LRRC4C: variants seen among roughly 807,000 people sequenced by gnomAD.
LRRC4C encodes the protein leucine rich repeat containing 4C, also known as leucine-rich repeat-containing protein 4C.
LRRC4C carries 5 observed loss-of-function variants against 33.6 expected under a neutral mutation model. The ratio of observed to expected loss-of-function variants is 0.15; its 90% CI spans 0.08 to 0.31. The LOEUF is 0.31. Among genes scored for constraint, LRRC4C ranks in the 10% least tolerant of loss-of-function variants. LRRC4C has a pLI of 1.00. For synonymous variants in LRRC4C, 329 were observed against 302.0 expected (o/e 1.09, Z -0.93); for missense variants, 560 against 796.7 (o/e 0.70, Z 3.58).
chr11:41,300,068 G>C (rs1230546681), intron 1 of LRRC4C, among the ~76,000 whole-genome samples: 1 of 152,086 alleles, frequency 6.6e-6, no homozygotes, highest in Non-Finnish European at 1.5e-5. Flanking sequence ...CTGAAATCAT[G>C]GGACCATAAA....
intron 1 of LRRC4C, among the ~76,000 whole-genome samples, chr11:41,163,213 T>G (rs1034146268): frequency 4.0e-5 from 6 of 151,842 alleles, no homozygotes; most frequent in Non-Finnish European, 8.8e-5. Flanking sequence ...AAACCTCTTT[T>G]TCTTCCCAGT....
At chr11:41,295,155 T>C (rs1459421900) in intron 1 of LRRC4C, among the ~76,000 whole-genome samples, 5 of 152,132 alleles carry the variant, frequency 3.3e-5, no homozygotes, top group African/African-American at 2.4e-5. Flanking sequence ...TAGTGGAAAA[T>C]TGGAACCAAG....
intron 3 of LRRC4C, among the ~76,000 whole-genome samples, chr11:40,494,206 CT>C (rs561821609): frequency 1.3e-5 from 2 of 152,102 alleles, no homozygotes; most frequent in Non-Finnish European, 2.9e-5. Flanking sequence ...TTCTTAATTT[CT>C]CTAAGCATTG....
At chr11:40,295,234 A>C (rs1261873011) in intron 4 of LRRC4C, among the ~76,000 whole-genome samples, 1 of 152,172 alleles carries the variant, frequency 6.6e-6, no homozygotes, top group East Asian at 1.9e-4. Context: ...CCTTTCAGTT[A>C]ATCTATGGGC....
chr11:40,493,810 GA>G (rs1954285372), intron 3 of LRRC4C, among the ~76,000 whole-genome samples: 1 of 152,102 alleles, frequency 6.6e-6, no homozygotes, highest in Non-Finnish European at 1.5e-5. Flanking sequence ...TTACCAGTTA[GA>G]AAGACCAAAT....
chr11:41,080,426 A>C (rs1939488650), intron 1 of LRRC4C, among the ~76,000 whole-genome samples: 1 of 139,396 alleles, frequency 7.2e-6, no homozygotes, highest in African/African-American at 2.7e-5. Flanking sequence ...ATCTGGGCTC[A>C]CTGCAACCTC....
At chr11:41,077,434 A>G (rs1939234859) in intron 1 of LRRC4C, among the ~76,000 whole-genome samples, 1 of 152,186 alleles carries the variant, frequency 6.6e-6, no homozygotes, top group South Asian at 2.1e-4. Context: ...TGCCTTCTGC[A>G]TTCCTGCAAG....
intron 3 of LRRC4C, among the ~76,000 whole-genome samples, chr11:40,597,447 A>G (rs1434407390): frequency 6.6e-6 from 1 of 152,178 alleles, no homozygotes; most frequent in Non-Finnish European, 1.5e-5. Context: ...TATTCTTCAG[A>G]GTTCCATAAT....
At chr11:41,099,944 G>A (rs1941062092) in intron 1 of LRRC4C, among the ~76,000 whole-genome samples, 2 of 152,094 alleles carry the variant, frequency 1.3e-5, no homozygotes, top group African/African-American at 4.8e-5. Context: ...AAACCCCATA[G>A]TCTGAGTGCA....
chr11:41,016,486 AAAC>A (rs1430238390), intron 1 of LRRC4C, among the ~76,000 whole-genome samples: 3 of 152,218 alleles, frequency 2.0e-5, no homozygotes, highest in African/African-American at 7.2e-5. Context: ...AACCACAAAT[AAAC>A]AATAGGCCTT....
intron 1 of LRRC4C, among the ~76,000 whole-genome samples, chr11:40,946,025 T>A (rs769754250): frequency 5.3e-4 from 80 of 152,176 alleles, no homozygotes; most frequent in Non-Finnish European, 8.2e-4. Context: ...ATACAAATGA[T>A]CCTGTTGCTC....
chr11:41,124,117 G>T (rs927194606), intron 1 of LRRC4C, among the ~76,000 whole-genome samples: 6 of 152,148 alleles, frequency 3.9e-5, no homozygotes, highest in African/African-American at 1.4e-4. Flanking sequence ...TTATGATGAT[G>T]AGAAACATCT....
At position 41,009,350 on chromosome 11, in the gene LRRC4C, T is replaced by C. The variant is rs549992639; in HGVS notation, c.-495-75627A>G. Reference sequence around the variant, plus strand: ...GGAAGAAGTTAAAGAAAGAATTCTCTAAACATATTGGATCTGAGATGGTAA... The same window carrying C: ...GGAAGAAGTTAAAGAAAGAATTCTCCAAACATATTGGATCTGAGATGGTAA... On this transcript the variant is annotated intron_variant, in intron 1 of 6. Transcript: ENST00000528697. Among the ~76,000 whole-genome samples, 22 of 152,206 alleles carry C rather than the reference T, an allele frequency of 1.4e-4. 1 individual carries two copies. In the South Asian group the frequency reaches 4.6e-3, roughly 32 times the overall value.
chr11:40,495,869 G>A (rs1253463903), intron 3 of LRRC4C, among the ~76,000 whole-genome samples: 16 of 112,346 alleles, frequency 1.4e-4, no homozygotes, highest in African/African-American at 5.8e-4. Context: ...TCGCATTATC[G>A]CCCAGGCTGG....
chr11:40,777,218 T>C (rs978610159), intron 2 of LRRC4C, among the ~76,000 whole-genome samples: 6 of 152,230 alleles, frequency 3.9e-5, no homozygotes, highest in Admixed American at 6.5e-5. Flanking sequence ...TGGAGTATTC[T>C]GTAGATGTCT....
chr11:40,499,719 T>C (rs753186433), intron 3 of LRRC4C, among the ~76,000 whole-genome samples: 1 of 152,102 alleles, frequency 6.6e-6, no homozygotes, highest in Non-Finnish European at 1.5e-5. Flanking sequence ...AACTAACATG[T>C]TAAAAAGACA....
chr11:41,248,066 G>A (rs986736844), intron 1 of LRRC4C, among the ~76,000 whole-genome samples: 1 of 152,164 alleles, frequency 6.6e-6, no homozygotes, highest in Non-Finnish European at 1.5e-5. Flanking sequence ...AAAAGAGGGT[G>A]TGGATGAAAC....
intron 3 of LRRC4C, among the ~76,000 whole-genome samples, chr11:40,444,322 TTTTAA>T (rs1011919764): frequency 6.6e-6 from 1 of 150,900 alleles, no homozygotes; most frequent in African/African-American, 2.4e-5. Flanking sequence ...TTAACATTTT[TTTTAA>T]TTTATTTTAT....
chr11:40,127,305 T>G (rs1369056413), intron 6 of LRRC4C, among the ~76,000 whole-genome samples: 2 of 151,230 alleles, frequency 1.3e-5, no homozygotes, highest in Non-Finnish European at 1.5e-5. Flanking sequence ...TATAGAGATT[T>G]GGAATTTTAT....
Sources: allele counts gnomAD v4.1 joint callset (sites outside exome capture counted in the v4.1 genomes callset), GRCh38; gene constraint gnomAD v4.1.1; transcripts MANE v1.5; gene names NCBI Gene and HGNC (gene_info 2026-07-23, HGNC 2026-07-21).